Variants in PLXNA4 observed in about 807,000 individuals in gnomAD.
PLXNA4 encodes plexin-A4.
In PLXNA4, 44 loss-of-function variants were observed where a neutral mutation model predicts 191.8. That is an observed-to-expected ratio of 0.23 (90% confidence interval 0.18 to 0.29). The LOEUF (loss-of-function observed/expected upper bound fraction) is 0.29, where lower values mean the gene tolerates loss of function less well. Ranked by LOEUF, PLXNA4 falls within the 10% of genes least tolerant of loss-of-function variation. The pLI is 1.00. For missense variants in PLXNA4, 1,800 were observed against 2,488.8 expected, an observed-to-expected ratio of 0.72 and a Z score of 5.89; for synonymous variants, 1,082 against 1,009.5, an observed-to-expected ratio of 1.07 and a Z score of -1.36.
intron 1 of PLXNA4, among the ~76,000 whole-genome samples, chr7:132,528,038 C>A (rs928538589): frequency 1.3e-5 from 2 of 152,106 alleles, no homozygotes; most frequent in East Asian, 3.9e-4. Context: ...GAAGTGAAGC[C>A]CAATCAGGGT....
intron 1 of PLXNA4, among the ~76,000 whole-genome samples, chr7:132,562,734 TCC>T (rs1801283645): frequency 8.4e-6 from 1 of 119,498 alleles, no homozygotes; most frequent in Non-Finnish European, 1.7e-5. Flanking sequence ...CTCGTCCTCC[TCC>T]TTCTCCTCCT....
intron 1 of PLXNA4, among the ~76,000 whole-genome samples, chr7:132,544,550 AG>A (rs756975801): frequency 1.3e-4 from 20 of 152,036 alleles, no homozygotes; most frequent in Non-Finnish European, 2.8e-4. Flanking sequence ...GCAGAGGGTG[AG>A]GGGGGCACAC....
At chr7:132,575,918 T>C (rs1404608287) in intron 1 of PLXNA4, among the ~76,000 whole-genome samples, 2 of 152,092 alleles carry the variant, frequency 1.3e-5, no homozygotes, top group East Asian at 1.9e-4. Flanking sequence ...TCTCCAAATA[T>C]GCGTCCGAAT....
At chr7:132,409,735 T>C (rs1563083050) in intron 3 of PLXNA4, among the ~76,000 whole-genome samples, 1 of 152,338 alleles carries the variant, frequency 6.6e-6, no homozygotes. Context: ...CTGATATTCA[T>C]CCAGCATGCA....
chr7:132,449,506 T>A (rs2117292448), intron 3 of PLXNA4, among the ~76,000 whole-genome samples: 1 of 152,310 alleles, frequency 6.6e-6, no homozygotes, highest in East Asian at 1.9e-4. Context: ...AGGGAAACCA[T>A]GCCCAAAGAG....
chr7:132,625,612 C>T (rs111836224), intron 2 of PLXNA4, among the ~76,000 whole-genome samples: 2 of 152,280 alleles, frequency 1.3e-5, no homozygotes, highest in African/African-American at 4.8e-5. Flanking sequence ...GATCCCCTGG[C>T]TTTCATCAAT....
At chr7:132,468,899 C>T (rs909382676) in intron 3 of PLXNA4, among the ~76,000 whole-genome samples, 5 of 151,898 alleles carry the variant, frequency 3.3e-5, no homozygotes, top group Admixed American at 2.6e-4. Flanking sequence ...CTGGGGTGAG[C>T]GTCTAGGAAT....
chr7:132,595,188 C>T (rs1449348475), intron 2 of PLXNA4, among the ~76,000 whole-genome samples: 16 of 151,630 alleles, frequency 1.1e-4, no homozygotes, highest in Non-Finnish European at 1.5e-4. Context: ...CATCTTCCCA[C>T]AGAGACCTCC....
chr7:132,386,160 G>A (rs1246995803), intron 3 of PLXNA4, among the ~76,000 whole-genome samples: 2 of 152,178 alleles, frequency 1.3e-5, no homozygotes, highest in African/African-American at 4.8e-5. Flanking sequence ...ATTGAAACAA[G>A]CACCAGAGGT....
At chr7:132,523,482 G>A (rs764101032) in intron 1 of PLXNA4, among the ~76,000 whole-genome samples, 9 of 152,254 alleles carry the variant, frequency 5.9e-5, no homozygotes, top group Non-Finnish European at 7.3e-5. Context: ...GCAGAAGGCC[G>A]ACGGGCTGGA....
chr7:132,182,301 G>A (rs1428017039), intron 16 of PLXNA4, 111 bp from the exon 17 acceptor site: 1 of 1,493,126 alleles, frequency 6.7e-7, no homozygotes, highest in South Asian at 1.3e-5. Flanking sequence ...CTAGGCAGCA[G>A]GGTAATGTTC....
chr7:132,383,435 GA>G, intron 3 of PLXNA4: 1 of 446,186 alleles, frequency 2.2e-6, no homozygotes, highest in Non-Finnish European at 3.0e-6. Context: ...TAAATAAATA[GA>G]AAACAATAAA....
upstream of PLXNA4, among the ~76,000 whole-genome samples, chr7:132,578,556 T>C (rs1802340734): frequency 6.6e-6 from 1 of 152,180 alleles, no homozygotes; most frequent in Non-Finnish European, 1.5e-5. Context: ...GTTGTGTGAA[T>C]TGGGGAGCCT....
chr7:132,137,414 A>G (rs112339699), intron 30 of PLXNA4, among the ~76,000 whole-genome samples: 1 of 141,936 alleles, frequency 7.0e-6, no homozygotes, highest in Non-Finnish European at 1.5e-5. Flanking sequence ...GAGGAAATCA[A>G]TCACTACTAA....
chr7:132,571,447 A>G (rs578058848), intron 1 of PLXNA4, among the ~76,000 whole-genome samples: 28 of 152,340 alleles, frequency 1.8e-4, no homozygotes, highest in African/African-American at 6.7e-4. Context: ...CCAGCACCGC[A>G]TGATGTCCCT....
intron 2 of PLXNA4, among the ~76,000 whole-genome samples, chr7:132,585,963 T>G (rs1802498325): frequency 6.6e-6 from 1 of 152,186 alleles, no homozygotes; most frequent in East Asian, 1.9e-4. Context: ...GTTAGGCTGG[T>G]GTTGCTCTCT....
intron 4 of PLXNA4, among the ~76,000 whole-genome samples, chr7:132,265,032 C>A (rs1251947799): frequency 6.6e-6 from 1 of 152,110 alleles, no homozygotes; most frequent in African/African-American, 2.4e-5. Flanking sequence ...AAACTTGATC[C>A]CAGAAGTAGA....
intron 3 of PLXNA4, among the ~76,000 whole-genome samples, chr7:132,389,391 A>T (rs1398864761): frequency 1.3e-5 from 2 of 152,178 alleles, no homozygotes; most frequent in African/African-American, 2.4e-5. Flanking sequence ...TAGGGTTTTC[A>T]TGGTTTTAGG....
chr7:132,449,845 TG>T (rs1796053979), intron 3 of PLXNA4, among the ~76,000 whole-genome samples: 1 of 152,222 alleles, frequency 6.6e-6, no homozygotes, highest in South Asian at 2.1e-4. Context: ...GTGTTCGCCT[TG>T]GGGGAACCAA....
Sources: gnomAD v4.1 joint callset for allele counts (sites outside exome capture counted in the v4.1 genomes callset) on GRCh38, gnomAD v4.1.1 for gene constraint, MANE v1.5 for transcripts, NCBI Gene and HGNC (gene_info 2026-07-23, HGNC 2026-07-21) for gene names.